Variants in SAMMSON observed in about 807,000 individuals in gnomAD.
SAMMSON encodes survival associated mitochondrial melanoma specific oncogenic non-coding RNA, also known as long intergenic non-protein coding RNA 1212.
chr3:70,272,586 G>C (rs1559550697), intron 6 of SAMMSON, among the ~76,000 whole-genome samples: 1 of 152,258 alleles, frequency 6.6e-6, no homozygotes, highest in East Asian at 1.9e-4. Context: ...TCTTTACGTG[G>C]ACATATGTTT....
intron 9 of SAMMSON, among the ~76,000 whole-genome samples, chr3:70,364,066 A>C (rs1702899977): frequency 6.6e-6 from 1 of 151,772 alleles, no homozygotes; most frequent in African/African-American, 2.4e-5. Context: ...CCTAATACTT[A>C]ATATTTCTAT....
intron 7 of SAMMSON, among the ~76,000 whole-genome samples, chr3:70,306,757 T>A (rs1702404961): frequency 6.6e-6 from 1 of 152,110 alleles, no homozygotes; most frequent in East Asian, 1.9e-4. Context: ...TGGTGACAAT[T>A]GTGAATAAAA....
chr3:70,111,575 T>C (rs1005685763), intron 4 of SAMMSON, among the ~76,000 whole-genome samples: 1 of 152,028 alleles, frequency 6.6e-6, no homozygotes, highest in Non-Finnish European at 1.5e-5. Flanking sequence ...ACAAAGCACA[T>C]GAGGAAGTGA....
chr3:70,131,596 T>C (rs1266282970), intron 4 of SAMMSON, among the ~76,000 whole-genome samples: 4 of 152,064 alleles, frequency 2.6e-5, no homozygotes, highest in African/African-American at 9.7e-5. Context: ...TAATTTGCAA[T>C]TAAAAAAAAA....
At chr3:70,391,841 T>C (rs930759641), downstream of SAMMSON, among the ~76,000 whole-genome samples, 1 of 152,162 alleles carries the variant, frequency 6.6e-6, no homozygotes, top group Non-Finnish European at 1.5e-5. Flanking sequence ...GCAATATCTA[T>C]AGTAGGAATT....
intron 7 of SAMMSON, among the ~76,000 whole-genome samples, chr3:70,338,353 G>C (rs997973070): frequency 1.3e-5 from 2 of 152,022 alleles, no homozygotes; most frequent in African/African-American, 4.8e-5. Context: ...CCAGATTCAA[G>C]TCCAAGTTTT....
At chr3:70,145,414 G>A (rs949239115) in intron 4 of SAMMSON, among the ~76,000 whole-genome samples, 8 of 152,084 alleles carry the variant, frequency 5.3e-5, no homozygotes, top group African/African-American at 1.4e-4. Flanking sequence ...CCTTTTCAAA[G>A]TATGTAGAGC....
intron 7 of SAMMSON, among the ~76,000 whole-genome samples, chr3:70,321,648 A>T (rs1156367150): frequency 6.6e-6 from 1 of 152,096 alleles, no homozygotes; most frequent in African/African-American, 2.4e-5. Flanking sequence ...GTCATTAGAA[A>T]ATGCAATTGA....
chr3:70,389,391 A>T (rs943657770), intron 9 of SAMMSON, among the ~76,000 whole-genome samples: 1 of 152,110 alleles, frequency 6.6e-6, no homozygotes, highest in African/African-American at 2.4e-5. Context: ...TGGTCTGAAT[A>T]TTCTATATAA....
chr3:70,180,342 T>A (rs1701042788), intron 4 of SAMMSON, among the ~76,000 whole-genome samples: 1 of 152,094 alleles, frequency 6.6e-6, no homozygotes, highest in African/African-American at 2.4e-5. Context: ...TAGAGGCTAC[T>A]CCAATAATAA....
intron 2 of SAMMSON, among the ~76,000 whole-genome samples, chr3:70,398,452 T>C (rs1701110810): frequency 6.6e-6 from 1 of 152,200 alleles, no homozygotes; most frequent in Non-Finnish European, 1.5e-5. Context: ...TCTAAAGCAC[T>C]GTATTCTTTT....
intron 4 of SAMMSON, among the ~76,000 whole-genome samples, chr3:70,234,705 A>G (rs1010244257): frequency 2.0e-5 from 3 of 152,052 alleles, no homozygotes; most frequent in African/African-American, 7.2e-5. Context: ...ACACACATAC[A>G]TCTACTTTGC....
chr3:70,149,172 T>C (rs1448861283), intron 4 of SAMMSON, among the ~76,000 whole-genome samples: 1 of 152,134 alleles, frequency 6.6e-6, no homozygotes, highest in Non-Finnish European at 1.5e-5. Context: ...ATTTTTAAAA[T>C]CTTTCTTATA....
At chr3:70,418,040 C>G (rs1455126362) in intron 2 of SAMMSON, among the ~76,000 whole-genome samples, 1 of 152,212 alleles carries the variant, frequency 6.6e-6, no homozygotes, top group East Asian at 1.9e-4. Flanking sequence ...GTTTCTGTCC[C>G]AGGACCTCAG....
At chr3:70,038,046 G>T (rs2067092652) in intron 3 of SAMMSON, among the ~76,000 whole-genome samples, 1 of 151,994 alleles carries the variant, frequency 6.6e-6, no homozygotes, top group South Asian at 2.1e-4. Context: ...CATGTGGTGA[G>T]TTTCTTATTT....
intron 6 of SAMMSON, among the ~76,000 whole-genome samples, chr3:70,252,843 G>A: frequency 6.6e-6 from 1 of 152,134 alleles, no homozygotes; most frequent in East Asian, 1.9e-4. Flanking sequence ...ACTTTGGGAG[G>A]CTGAGGCAGG....
downstream of SAMMSON, among the ~76,000 whole-genome samples, chr3:70,391,639 T>C (rs1476893856): frequency 1.3e-5 from 2 of 152,168 alleles, no homozygotes; most frequent in South Asian, 4.1e-4. Context: ...TCTTCCTATT[T>C]TAATAATTAA....
chr3:70,292,621 C>G (rs1702249436), intron 7 of SAMMSON, among the ~76,000 whole-genome samples: 1 of 151,974 alleles, frequency 6.6e-6, no homozygotes, highest in African/African-American at 2.4e-5. Flanking sequence ...ATGAGTTTTT[C>G]TCTATGAAAA....
intron 6 of SAMMSON, among the ~76,000 whole-genome samples, chr3:70,286,087 G>C (rs1321905935): frequency 2.6e-5 from 4 of 152,078 alleles, no homozygotes; most frequent in Admixed American, 6.5e-5. Flanking sequence ...TCAATTTTGT[G>C]TTTTGCTGCC....
Sources: allele counts gnomAD v4.1 joint callset (sites outside exome capture counted in the v4.1 genomes callset), GRCh38; gene constraint gnomAD v4.1.1; transcripts MANE v1.5; gene names NCBI Gene and HGNC (gene_info 2026-07-23, HGNC 2026-07-21).